The following CUX1 variants were observed in gnomAD, a reference collection of about 807,000 sequenced individuals.
CUX1 encodes cut like homeobox 1, also known as protein CASP.
CUX1 carries 31 observed loss-of-function variants against 158.8 expected under a neutral mutation model. That is an observed-to-expected ratio of 0.20 (90% confidence interval 0.15 to 0.26). The LOEUF is 0.26. Among genes scored for constraint, CUX1 ranks in the 10% least tolerant of loss-of-function variants. CUX1 has a pLI of 1.00. For synonymous variants in CUX1, 879 were observed against 862.1 expected (o/e 1.02, Z -0.34); for missense variants, 1,589 against 2,014.6 (o/e 0.79, Z 4.04).
chr7:101,873,026 T>C lies in CUX1; in HGVS notation c.31-43089T>C, dbSNP rs148861107. 6.9e-3 allele frequency among the ~76,000 whole-genome samples: 1,052 copies of C among 151,568 alleles called. 12 individuals carry two copies. The highest frequency in any genetic ancestry group is 0.024 in the African/African-American group (973 of 41,342). On this transcript the variant is annotated intron_variant, in intron 1 of 23. Coordinates refer to ENST00000292535, the MANE Select transcript of CUX1 (RefSeq NM_181552.4). ...TAGCTGGGATTACAGGCATGCACTG[T>C]CATGGCCAGTTAATTTTTGTATTTT...
intron 1 of CUX1, among the ~76,000 whole-genome samples, chr7:101,847,058 C>T (rs1388085062): frequency 1.3e-5 from 2 of 152,114 alleles, no homozygotes; most frequent in Non-Finnish European, 2.9e-5. Context: ...ATGGGAGGAT[C>T]GCTGGAGCCC....
chr7:102,134,048 A>G (rs1381176374), intron 8 of CUX1, among the ~76,000 whole-genome samples: 1 of 152,216 alleles, frequency 6.6e-6, no homozygotes, highest in Non-Finnish European at 1.5e-5. Context: ...TTTTAAAAAA[A>G]GATTGTCCTG....
At chr7:101,999,155 G>C (rs1816356199) in intron 2 of CUX1, among the ~76,000 whole-genome samples, 1 of 150,558 alleles carries the variant, frequency 6.6e-6, no homozygotes, top group South Asian at 2.1e-4. Context: ...GCTTCTAGAA[G>C]CAGCAGCTGT....
Position 102,202,017 on chromosome 7 carries a change from A to C in CUX1, c.2720A>C (p.Gln907Pro). The C allele has an allele frequency of 6.2e-7, 1 of 1,614,048 alleles. No individual in the cohort carries two copies. The highest frequency in any genetic ancestry group is 8.5e-7 in the Non-Finnish European group (1 of 1,179,978). ...GGGGCCAGCCGCAGCGAGACACCAC[A>C]GAACAGCCCCCTGCCATCCTCCCCG... Reference protein sequence around the residue: ...LTGASRSETPQNSPLPSSPIV... With the variant: ...LTGASRSETPPNSPLPSSPIV... Residue 907 changes from glutamine (Q) to proline (P), a missense_variant, in exon 18 of 24, where the codon CAG becomes CCG. Coordinates refer to ENST00000292535, the MANE Select transcript of CUX1 (RefSeq NM_181552.4).
At position 102,097,399 on chromosome 7, in the gene CUX1, C is replaced by A. The variant is rs1554484601; in HGVS notation, c.304C>A (p.Gln102Lys). The A allele has an allele frequency of 6.2e-7, 1 of 1,612,326 alleles. No individual in the cohort carries two copies. The highest frequency in any genetic ancestry group is 2.2e-5 in the East Asian group (1 of 44,864). Residue 102 changes from glutamine to lysine, a missense_variant, in exon 5 of 24, where the codon CAG (glutamine) becomes AAG (lysine). Physicochemically the swap from Gln to Lys is moderately conservative, Grantham distance 53 (BLOSUM62 1). This residue lies in a region of CUX1 where 515 missense variants were observed against 574.4 expected (regional missense o/e 0.90). Coordinates refer to ENST00000292535, the MANE Select transcript of CUX1 (RefSeq NM_181552.4). ...AGCTTTGGATCTCGGACAGCAACTC[C>A]AGCTCAAAGTGCAGCGCCTGCACGA... Reference protein sequence around the residue: ...VPALDLGQQLQLKVQRLHDIE... With the variant: ...VPALDLGQQLKLKVQRLHDIE...
intron 1 of CUX1, among the ~76,000 whole-genome samples, chr7:101,854,767 T>C (rs2410920): frequency 1 from 152,187 of 152,280 alleles, 76,047 homozygotes; most frequent in Middle Eastern, 1. Flanking sequence ...CTTTTTGAGA[T>C]GAAGTCTCAC....
upstream of CUX1, chr7:101,817,409 GC>G (rs1791973076): frequency 1.0e-6 from 1 of 984,544 alleles, no homozygotes; most frequent in Non-Finnish European, 1.2e-6. The surrounding 1 kb of genome is among the most constrained non-coding windows in gnomAD (Gnocchi z 4.1). Context: ...AGCCCCGGGG[GC>G]CCGTTGGGAC....
At chr7:102,222,961 G>T (rs35144259) in intron 20 of CUX1, among the ~76,000 whole-genome samples, 2 of 150,772 alleles carry the variant, frequency 1.3e-5, no homozygotes, top group Non-Finnish European at 3.0e-5. Flanking sequence ...CTGGGCACGC[G>T]CCTGGCTAAT....
chr7:102,068,954 C>A (rs1414683719), intron 3 of CUX1, among the ~76,000 whole-genome samples: 2 of 152,198 alleles, frequency 1.3e-5, no homozygotes, highest in Non-Finnish European at 2.9e-5. Context: ...AGGAAACTGG[C>A]TCAGTTAGTC....
intron 1 of CUX1, among the ~76,000 whole-genome samples, chr7:101,909,061 C>T (rs1016785606): frequency 5.3e-5 from 8 of 151,404 alleles, no homozygotes; most frequent in East Asian, 1.9e-4. Context: ...TTTGGGAGGC[C>T]GAGACAAGAG....
At chr7:101,990,135 G>A (rs1814909043) in intron 2 of CUX1, among the ~76,000 whole-genome samples, 1 of 152,076 alleles carries the variant, frequency 6.6e-6, no homozygotes, top group African/African-American at 2.4e-5. Flanking sequence ...GAGGCAAGAT[G>A]ATCTCTTGAA....
At chr7:101,939,208 G>C (rs1284418607) in intron 2 of CUX1, among the ~76,000 whole-genome samples, 1 of 148,254 alleles carries the variant, frequency 6.7e-6, no homozygotes, top group Non-Finnish European at 1.5e-5. Context: ...TCTGTTTTTT[G>C]CTGGCATCAT....
chr7:102,164,108 T>C (rs1318554706), intron 9 of CUX1, among the ~76,000 whole-genome samples: 2 of 152,240 alleles, frequency 1.3e-5, no homozygotes, highest in Non-Finnish European at 1.5e-5. Flanking sequence ...CACTTTGAAC[T>C]GCATGTGAAA....
intron 3 of CUX1, among the ~76,000 whole-genome samples, chr7:102,060,572 CAT>C (rs1824690894): frequency 3.0e-5 from 4 of 135,246 alleles, no homozygotes; most frequent in African/African-American, 1.1e-4. Flanking sequence ...TACACACACA[CAT>C]ATATACATAT....
In CUX1 at chr7:101,868,360, C is replaced by G. The variant is rs573066252; in HGVS notation, c.31-47755C>G. ...TTGCTGTCCCTGGCTGAGCCTTGGCCTCATCTTGGGCCAGCGCCTCCTCCC... is the reference window on the plus strand; with the variant it reads ...TTGCTGTCCCTGGCTGAGCCTTGGCGTCATCTTGGGCCAGCGCCTCCTCCC... On this transcript the variant is annotated intron_variant, in intron 1 of 23. Coordinates refer to ENST00000292535, the MANE Select transcript of CUX1 (RefSeq NM_181552.4). Among the ~76,000 whole-genome samples, 8 of 152,330 alleles carry G rather than the reference C, an allele frequency of 5.3e-5. No homozygotes were observed. The East Asian group carries it at 1.3e-3, about 26-fold the overall frequency.
At chr7:102,219,069 C>T (rs1797541972) in intron 20 of CUX1, among the ~76,000 whole-genome samples, 1 of 150,890 alleles carries the variant, frequency 6.6e-6, no homozygotes, top group Non-Finnish European at 1.5e-5. Context: ...CACACACACA[C>T]ACACACACAC....
At chr7:102,028,625 T>C (rs570623063) in intron 3 of CUX1, among the ~76,000 whole-genome samples, 2 of 152,284 alleles carry the variant, frequency 1.3e-5, no homozygotes, top group Admixed American at 1.3e-4. Flanking sequence ...GGAGCAAGCC[T>C]AGGCTCAGTA....
intron 8 of CUX1, chr7:102,125,581 C>T (rs1832541391): frequency 6.6e-6 from 1 of 152,018 alleles, no homozygotes; most frequent in South Asian, 2.1e-4. Flanking sequence ...CACCCAGGGA[C>T]CTTGTGAAGA....
chr7:102,060,277 C>CAAA (rs542920533), intron 3 of CUX1, among the ~76,000 whole-genome samples: 2 of 142,516 alleles, frequency 1.4e-5, no homozygotes, highest in African/African-American at 5.2e-5. Flanking sequence ...GACTCTGTCT[C>CAAA]AAAAAAAAAA....
Sources: allele counts gnomAD v4.1 joint callset (sites outside exome capture counted in the v4.1 genomes callset), GRCh38; gene constraint gnomAD v4.1.1; regional missense constraint gnomAD v4.1.1; non-coding constraint Gnocchi (gnomAD v3.1); transcripts MANE v1.5; gene names NCBI Gene and HGNC (gene_info 2026-07-23, HGNC 2026-07-21).